SGCZ: variants seen among roughly 807,000 people sequenced by gnomAD.
The protein encoded by SGCZ is zeta-sarcoglycan.
In SGCZ, 40 loss-of-function variants were observed where a neutral mutation model predicts 41.3. That is an observed-to-expected ratio of 0.97 (90% CI 0.75 to 1.26). SGCZ has a LOEUF of 1.26. SGCZ is among the 50% of genes most tolerant of loss of function. The pLI, the probability that SGCZ is intolerant of heterozygous loss-of-function variation, is 0.00. For missense variants in SGCZ, 552 were observed against 369.8 expected, an observed-to-expected ratio of 1.49 and a Z score of -4.04; for synonymous variants, 206 against 137.5, an observed-to-expected ratio of 1.50 and a Z score of -3.49.
chr8:14,320,577 T>C (rs968138088), intron 3 of SGCZ, among the ~76,000 whole-genome samples: 1 of 151,980 alleles, frequency 6.6e-6, no homozygotes, highest in Non-Finnish European at 1.5e-5. Flanking sequence ...ACACACAAGG[T>C]GCAGAACTGG....
chr8:15,193,879 T>A (rs1033154858), intron 1 of SGCZ, among the ~76,000 whole-genome samples: 1 of 152,172 alleles, frequency 6.6e-6, no homozygotes, highest in African/African-American at 2.4e-5. Flanking sequence ...GGACCTCATT[T>A]TGAGGCAAAA....
At chr8:14,534,327 G>A (rs930619687) in intron 2 of SGCZ, among the ~76,000 whole-genome samples, 29 of 146,370 alleles carry the variant, frequency 2.0e-4, no homozygotes, top group Non-Finnish European at 3.9e-4. Flanking sequence ...CTGTTTTCTA[G>A]AGCTCTTTCT....
At chr8:14,329,757 G>C (rs1257970488) in intron 2 of SGCZ, among the ~76,000 whole-genome samples, 1 of 152,034 alleles carries the variant, frequency 6.6e-6, no homozygotes, top group Non-Finnish European at 1.5e-5. Context: ...CCCTCCTTTA[G>C]AATGAATTTC....
rs1416103851 is a variant in SGCZ at position 14,398,165 on chromosome 8, T to C, written c.235-73961A>G. ...GAGTGGAAGGGAAGGACAGGAGCAC[T>C]GTGTGCCTGATAGACCTGAATTCAG... On this transcript the variant is annotated intron_variant, in intron 2 of 7. Transcript: ENST00000382080. Among the ~76,000 whole-genome samples the C allele has an allele frequency of 2.0e-5, 3 of 152,282 alleles. No individual in the cohort carries two copies. In the South Asian group the frequency reaches 6.2e-4, roughly 32 times the overall value.
chr8:15,133,305 G>C (rs1585597551), intron 1 of SGCZ, among the ~76,000 whole-genome samples: 1 of 152,234 alleles, frequency 6.6e-6, no homozygotes, highest in Admixed American at 6.5e-5. Context: ...TGTAACACAA[G>C]TATTAGCCAC....
chr8:14,117,463 A>G (rs1802559921), intron 5 of SGCZ, among the ~76,000 whole-genome samples: 3 of 143,358 alleles, frequency 2.1e-5, no homozygotes, highest in Non-Finnish European at 4.5e-5. Context: ...ATAGCATCTC[A>G]CTGGGGAGTA....
intron 2 of SGCZ, among the ~76,000 whole-genome samples, chr8:14,492,003 T>C (rs1801855741): frequency 6.6e-6 from 1 of 152,216 alleles, no homozygotes; most frequent in African/African-American, 2.4e-5. Flanking sequence ...TGAGCGAGTA[T>C]GTCTCATCAT....
At chr8:14,478,953 C>G (rs536564021) in intron 2 of SGCZ, among the ~76,000 whole-genome samples, 1 of 152,190 alleles carries the variant, frequency 6.6e-6, no homozygotes, top group African/African-American at 2.4e-5. Flanking sequence ...CGTTTTCATA[C>G]GGATAAACTG....
At chr8:14,201,692 T>C (rs1469450238) in intron 4 of SGCZ, among the ~76,000 whole-genome samples, 3 of 152,204 alleles carry the variant, frequency 2.0e-5, no homozygotes, top group South Asian at 2.1e-4. Flanking sequence ...CTCTTGATTG[T>C]GGTTGTAGTT....
At chr8:14,096,637 T>G (rs534380888) in intron 7 of SGCZ, among the ~76,000 whole-genome samples, 1 of 152,134 alleles carries the variant, frequency 6.6e-6, no homozygotes, top group Non-Finnish European at 1.5e-5. Flanking sequence ...TTAGGGAGGA[T>G]TCCCTCTTTT....
At chr8:15,050,927 T>C (rs527783720) in intron 1 of SGCZ, among the ~76,000 whole-genome samples, 1 of 152,326 alleles carries the variant, frequency 6.6e-6, no homozygotes, top group Admixed American at 6.5e-5. Flanking sequence ...CTCCTCATTA[T>C]ATGGGAAATA....
chr8:14,650,662 C>G (rs1019428097), intron 1 of SGCZ, among the ~76,000 whole-genome samples: 1 of 151,920 alleles, frequency 6.6e-6, no homozygotes, highest in Non-Finnish European at 1.5e-5. Flanking sequence ...CAATTCTTAG[C>G]TGAGAGTGAT....
intron 2 of SGCZ, among the ~76,000 whole-genome samples, chr8:14,347,567 C>T (rs905368710): frequency 1.3e-5 from 2 of 150,978 alleles, no homozygotes; most frequent in African/African-American, 4.9e-5. Context: ...TTTTCTCCCA[C>T]TTTTTTTTCT....
chr8:14,525,960 C>T (rs767508755), intron 2 of SGCZ, among the ~76,000 whole-genome samples: 5 of 151,554 alleles, frequency 3.3e-5, no homozygotes, highest in African/African-American at 4.8e-5. Flanking sequence ...TAGAGATAGT[C>T]TAAGCAAACC....
At chr8:14,694,088 G>T (rs991852048) in intron 1 of SGCZ, among the ~76,000 whole-genome samples, 1 of 151,954 alleles carries the variant, frequency 6.6e-6, no homozygotes, top group Non-Finnish European at 1.5e-5. Context: ...TTAATATTTG[G>T]GGAAATCATG....
chr8:15,085,778 C>G (rs1396333424), intron 1 of SGCZ, among the ~76,000 whole-genome samples: 1 of 152,138 alleles, frequency 6.6e-6, no homozygotes, highest in Non-Finnish European at 1.5e-5. Flanking sequence ...ATTCTTCTGA[C>G]AAGGGACTCC....
intron 1 of SGCZ, among the ~76,000 whole-genome samples, chr8:14,569,643 T>C (rs1563121889): frequency 6.6e-6 from 1 of 152,078 alleles, no homozygotes; most frequent in Non-Finnish European, 1.5e-5. Context: ...ATGTAACATA[T>C]GGTAAGTGAG....
chr8:14,098,483 G>A (rs1001826951), intron 7 of SGCZ, among the ~76,000 whole-genome samples: 1 of 152,104 alleles, frequency 6.6e-6, no homozygotes, highest in Non-Finnish European at 1.5e-5. Flanking sequence ...TATTGGTTGA[G>A]TGGAAGAGGA....
intron 2 of SGCZ, among the ~76,000 whole-genome samples, chr8:14,343,617 G>C (rs954701154): frequency 5.3e-5 from 8 of 152,168 alleles, no homozygotes; most frequent in African/African-American, 1.9e-4. Context: ...TGCTCAGTCA[G>C]GGGAAGGGGT....
Sources: gnomAD v4.1 joint callset for allele counts (sites outside exome capture counted in the v4.1 genomes callset) on GRCh38, gnomAD v4.1.1 for gene constraint, MANE v1.5 for transcripts, NCBI Gene and HGNC (gene_info 2026-07-23, HGNC 2026-07-21) for gene names.